EML6: variants seen among roughly 807,000 people sequenced by gnomAD.
The protein encoded by EML6 is echinoderm microtubule-associated protein-like 6.
A neutral mutation model predicts 240.1 loss-of-function variants in EML6; 154 were observed. The observed-to-expected ratio is 0.64, with a 90% CI of 0.56 to 0.73. EML6 has a LOEUF of 0.73. EML6 is among the 30% of genes least tolerant of loss of function. EML6 has a pLI of 0.00. For missense variants in EML6, 2,964 were observed against 2,474.6 expected, an observed-to-expected ratio of 1.20 and a Z score of -4.20; for synonymous variants, 1,148 against 899.0, an observed-to-expected ratio of 1.28 and a Z score of -4.95.
intron 3 of EML6, 139 bp downstream of exon 3, chr2:54,813,530 T>C: frequency 1.3e-6 from 1 of 752,600 alleles, no homozygotes; most frequent in Non-Finnish European, 2.2e-6. Context: ...TTTTCACCTG[T>C]TTTTTCCCCT....
intron 17 of EML6, among the ~76,000 whole-genome samples, chr2:54,885,374 G>T (rs1672070710): frequency 6.6e-6 from 1 of 151,884 alleles, no homozygotes; most frequent in Non-Finnish European, 1.5e-5. Context: ...TTGAACCCGG[G>T]AGGCGGAGGT....
At chr2:54,778,629 C>G (rs1315286242) in intron 2 of EML6, among the ~76,000 whole-genome samples, 3 of 152,036 alleles carry the variant, frequency 2.0e-5, no homozygotes, top group Non-Finnish European at 4.4e-5. Context: ...TAGCTCACAC[C>G]TGTAATCCCA....
intron 13 of EML6, among the ~76,000 whole-genome samples, chr2:54,864,245 C>A (rs1373675600): frequency 2.0e-5 from 3 of 152,134 alleles, no homozygotes; most frequent in African/African-American, 7.2e-5. Flanking sequence ...CATGTGTTTC[C>A]TTTACAAGGA....
intron 41 of EML6, among the ~76,000 whole-genome samples, chr2:54,969,692 T>A (rs189350405): frequency 6.6e-6 from 1 of 152,352 alleles, no homozygotes; most frequent in East Asian, 1.9e-4. Context: ...TTTGTAGGCA[T>A]GGGAGCATGC....
chr2:54,732,948 G>T (rs115649908), intron 2 of EML6, among the ~76,000 whole-genome samples: 8 of 152,352 alleles, frequency 5.3e-5, no homozygotes, highest in Non-Finnish European at 1.0e-4. Flanking sequence ...TGAGCCAGCT[G>T]AGGAGGTGAG....
chr2:54,824,286 G>A (rs563782479), intron 5 of EML6, among the ~76,000 whole-genome samples: 169 of 152,214 alleles, frequency 1.1e-3, no homozygotes, highest in African/African-American at 4.0e-3. Context: ...AAATTTAATT[G>A]TCTTAGCAGA....
At chr2:54,785,159 C>A (rs972506336) in intron 2 of EML6, among the ~76,000 whole-genome samples, 2 of 147,792 alleles carry the variant, frequency 1.4e-5, no homozygotes, top group African/African-American at 5.0e-5. Context: ...TTCCACCCCC[C>A]CACACACACA....
chr2:54,862,517 A>G (rs1474833021), intron 12 of EML6, among the ~76,000 whole-genome samples: 1 of 152,050 alleles, frequency 6.6e-6, no homozygotes, highest in Non-Finnish European at 1.5e-5. Flanking sequence ...AAGAGTAAAG[A>G]TAGCTTAGAG....
intron 2 of EML6, among the ~76,000 whole-genome samples, chr2:54,781,691 A>G (rs1420036276): frequency 6.6e-6 from 1 of 152,180 alleles, no homozygotes; most frequent in Non-Finnish European, 1.5e-5. Context: ...CTATTTTGAG[A>G]CAGGGTCTCA....
rs1682834234 is a variant in EML6, at chr2:54,724,917, G to GC, written c.-142dup. ...CTGCAGCGGATGATGGTGGCGGCCG[G>GC]CCCGCTGGGCTGTGCCTGTGTGTCG... On this transcript the variant is annotated 5_prime_UTR_variant, in exon 2 of 42. The change abolishes the stop of an existing upstream ORF in the 5' untranslated region. Coordinates refer to ENST00000356458, the MANE Select transcript of EML6 (RefSeq NM_001039753.4). The surrounding 1 kb of genome is among the most constrained non-coding windows in gnomAD (Gnocchi z 5.2). 4 of 536,832 alleles carry GC rather than the reference G, an allele frequency of 7.5e-6. No homozygotes were observed. Among genetic ancestry groups the GC allele is most frequent in the African/African-American group, 2.0e-5 (1 of 49,420 alleles). 33.3% of individuals were successfully genotyped at this position (536,832 alleles called of 1,614,324 possible). A position where few individuals can be genotyped will look rare whatever the true frequency, so the allele number is the denominator to read the frequency against.
At position 54,925,222 on chromosome 2, in the gene EML6, A is replaced by G. The variant is rs191162105; in HGVS notation, c.3676-3091A>G. 1.1e-4 allele frequency among the ~76,000 whole-genome samples: 16 copies of G among 152,302 alleles called. No homozygotes were observed. In the East Asian group the frequency reaches 2.3e-3, roughly 22 times the overall value. ...CCGCCCGCTCTTCCTGTGAGCACAC[A>G]GTGAGAAGGCAGCTATCTACAAGCC... On this transcript the variant is annotated intron_variant, in intron 26 of 41. Coordinates refer to ENST00000356458, the MANE Select transcript of EML6 (RefSeq NM_001039753.4).
chr2:54,793,214 C>G (rs1669556098), intron 2 of EML6, among the ~76,000 whole-genome samples: 1 of 152,050 alleles, frequency 6.6e-6, no homozygotes, highest in Non-Finnish European at 1.5e-5. Context: ...CTGCAGTGAG[C>G]CAAATTTGCA....
chr2:54,794,437 G>A (rs971377776), intron 2 of EML6, among the ~76,000 whole-genome samples: 14 of 152,006 alleles, frequency 9.2e-5, no homozygotes, highest in South Asian at 6.2e-4. Context: ...TTACTAAAAC[G>A]TTAGTTCTCA....
intron 2 of EML6, among the ~76,000 whole-genome samples, chr2:54,743,752 A>G (rs1015684773): frequency 3.3e-5 from 5 of 152,172 alleles, no homozygotes; most frequent in African/African-American, 1.2e-4. Flanking sequence ...TTTTTTATAT[A>G]TTTATGTTAT....
Position 54,895,775 on chromosome 2 carries a change from CT to C in EML6, c.2982+385del, listed in dbSNP as rs199608964. ...TTGCTTGTAAGTGTAGGACTAAAGGCTTTTTTTTTTCTTGCTGGCTGTTGGC... is the reference window on the plus strand; with the variant it reads ...TTGCTTGTAAGTGTAGGACTAAAGGCTTTTTTTTTCTTGCTGGCTGTTGGC... On this transcript the variant is annotated intron_variant, in intron 21 of 41. Transcript: ENST00000356458. 2.4e-3 allele frequency among the ~76,000 whole-genome samples: 361 copies of C among 151,236 alleles called. 3 individuals are homozygous for C. The highest frequency in any genetic ancestry group is 4.9e-3 in the East Asian group (25 of 5,142).
At chr2:54,756,431 C>A (rs1667734548) in intron 2 of EML6, among the ~76,000 whole-genome samples, 1 of 152,052 alleles carries the variant, frequency 6.6e-6, no homozygotes, top group East Asian at 1.9e-4. Flanking sequence ...ATTCTGTTTC[C>A]TTTAATGTGC....
In EML6 at chr2:54,809,718, TC is replaced by T. The variant is rs547988591; in HGVS notation, c.198-3513del. On this transcript the variant is annotated intron_variant, in intron 2 of 41. Transcript: ENST00000356458. ...ATTAAATAAATACTTATTAAATAAA[TC>T]TGTAACTCCACCATTATTGATACCT... is the stretch of plus-strand genomic sequence containing the variant. 2.6e-3 allele frequency among the ~76,000 whole-genome samples: 403 copies of T among 152,330 alleles called. 3 individuals are homozygous for T. Among genetic ancestry groups the T allele is most frequent in the Non-Finnish European group, 4.7e-3 (318 of 68,024 alleles).
rs1668527838 is a variant in EML6 at position 54,774,748 on chromosome 2, C to CT, written c.198-38483dup. ...GACTAAAAGAGTTGGCATCCCTAGT[C>CT]TAATGATCAAATTTAGAAAATAGTG... On this transcript the variant is annotated intron_variant, in intron 2 of 41. Coordinates refer to ENST00000356458, the MANE Select transcript of EML6 (RefSeq NM_001039753.4). This position sits in a 1 kb window ranked among gnomAD's most constrained non-coding sequence, Gnocchi z 4.1. Among the ~76,000 whole-genome samples, 1 of 152,202 alleles carries CT rather than the reference C, an allele frequency of 6.6e-6. No individual in the cohort carries two copies. Among genetic ancestry groups the CT allele is most frequent in the African/African-American group, 2.4e-5 (1 of 41,456 alleles).
intron 11 of EML6, among the ~76,000 whole-genome samples, chr2:54,857,807 A>C (rs1670466833): frequency 6.6e-6 from 1 of 152,234 alleles, no homozygotes; most frequent in South Asian, 2.1e-4. Flanking sequence ...TAGCATGTTT[A>C]GGGAATAGCA....
Sources: allele counts gnomAD v4.1 joint callset (sites outside exome capture counted in the v4.1 genomes callset), GRCh38; gene constraint gnomAD v4.1.1; non-coding constraint Gnocchi (gnomAD v3.1); transcripts MANE v1.5; gene names NCBI Gene and HGNC (gene_info 2026-07-23, HGNC 2026-07-21).